The following BATF3 variants were observed in gnomAD, a reference collection of about 807,000 sequenced individuals.
BATF3 encodes basic leucine zipper transcriptional factor ATF-like 3.
BATF3 carries 8 observed loss-of-function variants against 16.1 expected under a neutral mutation model. That is an observed-to-expected ratio of 0.50 (90% CI 0.29 to 0.90). The LOEUF (loss-of-function observed/expected upper bound fraction) is 0.90, where lower values mean the gene tolerates loss of function less well. BATF3 is among the 40% of genes least tolerant of loss of function. BATF3 has a pLI of 0.08. For missense variants in BATF3, 139 were observed against 167.0 expected, an observed-to-expected ratio of 0.83 and a Z score of 0.92; for synonymous variants, 74 against 72.7, an observed-to-expected ratio of 1.02 and a Z score of -0.09.
intron 2 of BATF3, among the ~76,000 whole-genome samples, chr1:212,692,599 G>C (rs1201737410): frequency 2.0e-5 from 3 of 152,082 alleles, no homozygotes; most frequent in African/African-American, 7.2e-5. Flanking sequence ...CACCACACCT[G>C]GCTAATTTTT....
Position 212,697,272 on chromosome 1 carries a change from C to T in BATF3, c.91-207G>A, listed in dbSNP as rs1571837278. 6 of 496,974 alleles carry T rather than the reference C, an allele frequency of 1.2e-5. No homozygotes were observed. The East Asian group carries it at 1.4e-4, about 11-fold the overall frequency. 30.8% of individuals were successfully genotyped at this position (496,974 alleles called of 1,614,324 possible). ...TGTGTGAAGTGTGTGGTGTGACCGC[C>T]GTTTAAAAGATGAGGAATAAGAAAC... is the stretch of plus-strand genomic sequence containing the variant. On this transcript the variant is annotated intron_variant, in intron 1 of 2. Transcript: ENST00000243440.
intron 1 of BATF3, chr1:212,697,338 TA>T: frequency 3.3e-6 from 1 of 303,030 alleles, no homozygotes; most frequent in Non-Finnish European, 6.2e-6. Context: ...TTACAGCCAC[TA>T]AGTGGGTGAG....
intron 2 of BATF3, among the ~76,000 whole-genome samples, chr1:212,695,198 A>G (rs529384424): frequency 6.6e-6 from 1 of 152,278 alleles, no homozygotes; most frequent in African/African-American, 2.4e-5. Context: ...CCCCACCTCT[A>G]CAAAACTACA....
chr1:212,699,691 C>T lies in BATF3; in HGVS notation c.72G>A (p.Gln24=), dbSNP rs1657223786. The change falls in exon 1 of 3, where the codon CAG becomes CAA. Residue 24 remains glutamine (Q), a synonymous_variant. Transcript: ENST00000243440. The surrounding 1 kb of genome is among the most constrained non-coding windows in gnomAD (Gnocchi z 4.4). ...RSVAAPGNQP[Q]PQPQQQSPED... is the part of the protein sequence containing the mutation. ...CCTCTACCTGCTGCTGCGGCTGCGG[C>T]TGCGGCTGGTTCCCGGGCGCCGCGA... is the stretch of plus-strand genomic sequence containing the variant. 5.2e-6 allele frequency: 7 copies of T among 1,351,024 alleles called. No individual in the cohort carries two copies. In the African/African-American group the frequency reaches 9.1e-5, roughly 17 times the overall value. 83.7% of individuals were successfully genotyped at this position (1,351,024 alleles called of 1,614,324 possible). A position where few individuals can be genotyped will look rare whatever the true frequency, so the allele number is the denominator to read the frequency against.
chr1:212,696,477 ATG>A (rs144421922), intron 2 of BATF3, among the ~76,000 whole-genome samples: 8,222 of 150,738 alleles, frequency 0.055, 368 homozygotes, highest in East Asian at 0.15. Context: ...ACATGTGTGA[ATG>A]TGTGTGTTTG....
At chr1:212,698,619 T>G (rs900738354) in intron 1 of BATF3, 1 of 152,210 alleles carries the variant, frequency 6.6e-6, no homozygotes, top group Non-Finnish European at 1.5e-5. Flanking sequence ...TGCATAGTGC[T>G]TCTCATGCCT....
rs1656958965 is a variant in BATF3 at position 212,689,874 on chromosome 1, G to GTCACAC, written c.196-2901_196-2896dup. On this transcript the variant is annotated intron_variant, in intron 2 of 2. Coordinates refer to ENST00000243440, the MANE Select transcript of BATF3 (RefSeq NM_018664.3). This position sits in a 1 kb window ranked among gnomAD's most constrained non-coding sequence, Gnocchi z 4.6. ...ACAGACACACACACAGATACACACA[G>GTCACAC]TCACACACACATCTGCAAACACACT... is the stretch of plus-strand genomic sequence containing the variant. Among the ~76,000 whole-genome samples, 3 of 144,360 alleles carry GTCACAC rather than the reference G, an allele frequency of 2.1e-5. No homozygotes were observed. Among genetic ancestry groups the GTCACAC allele is most frequent in the Admixed American group, 6.9e-5 (1 of 14,596 alleles). The allele number at this position is 144,360 out of a possible 152,430, so 94.7% of individuals were successfully genotyped here. A position where few individuals can be genotyped will look rare whatever the true frequency, so the allele number is the denominator to read the frequency against.
chr1:212,697,150 C>T (rs1283715252), intron 1 of BATF3, 85 bp from the exon 2 acceptor site: 5 of 1,080,700 alleles, frequency 4.6e-6, no homozygotes, highest in East Asian at 2.4e-5. Flanking sequence ...GCGTTGTTCA[C>T]TGAGCTTCAT....
chr1:212,699,714 C>T lies in BATF3; in HGVS notation c.49G>A (p.Ala17Thr). The change falls in exon 1 of 3, where the codon GCG becomes ACG. Residue 17 changes from alanine (A) to threonine (T), a missense_variant. By Grantham distance (58) the Ala-to-Thr change is moderately conservative. Transcript: ENST00000243440. The surrounding 1 kb of genome is among the most constrained non-coding windows in gnomAD (Gnocchi z 4.4). ...GGCTGCGGCTGGTTCCCGGGCGCCG[C>T]GACGCTCCTCTGCAGGACGCTGCCG... Reference protein sequence around the residue: ...AAGSVLQRSVAAPGNQPQPQP... With the variant: ...AAGSVLQRSVTAPGNQPQPQP... The T allele has an allele frequency of 7.4e-7, 1 of 1,348,360 alleles. No homozygotes were observed. Among genetic ancestry groups the T allele is most frequent in the Non-Finnish European group, 9.6e-7 (1 of 1,044,690 alleles). The allele number at this position is 1,348,360 out of a possible 1,614,324, so 83.5% of individuals were successfully genotyped here. A position where few individuals can be genotyped will look rare whatever the true frequency, so the allele number is the denominator to read the frequency against.
chr1:212,694,410 C>T (rs1214269713), intron 2 of BATF3, among the ~76,000 whole-genome samples: 1 of 152,108 alleles, frequency 6.6e-6, no homozygotes, highest in African/African-American at 2.4e-5. Flanking sequence ...GGCATGAGAT[C>T]TTCCTCCTCT....
Position 212,687,996 on chromosome 1 carries a change from AAAGGAAGG to A in BATF3, c.196-1025_196-1018del, listed in dbSNP as rs150731119. Among the ~76,000 whole-genome samples, 275 of 101,252 alleles carry A rather than the reference AAAGGAAGG, an allele frequency of 2.7e-3. 3 individuals are homozygous for A. Among genetic ancestry groups the A allele is most frequent in the African/African-American group, 6.5e-3 (180 of 27,484 alleles). 66.4% of individuals were successfully genotyped at this position (101,252 alleles called of 152,430 possible). ...GAAAGAAAGAAAGAAAGAAAGAAAGAAAGGAAGGAAGGAAGGAAGGAAGGAAGGAAGGA... is the reference window on the plus strand; with the variant it reads ...GAAAGAAAGAAAGAAAGAAAGAAAGAAAGGAAGGAAGGAAGGAAGGAAGGA... On this transcript the variant is annotated intron_variant, in intron 2 of 2. Transcript: ENST00000243440.
At chr1:212,694,074 A>T (rs573745627) in intron 2 of BATF3, among the ~76,000 whole-genome samples, 3 of 152,298 alleles carry the variant, frequency 2.0e-5, no homozygotes, top group Admixed American at 1.3e-4. Flanking sequence ...GTGACAACGG[A>T]AACAGCACCA....
In BATF3 at chr1:212,699,267, C is replaced by G. The variant is rs1389270107; in HGVS notation, c.90+406G>C. Among the ~76,000 whole-genome samples the G allele has an allele frequency of 6.6e-6, 1 of 152,150 alleles. No individual in the cohort carries two copies. Among genetic ancestry groups the G allele is most frequent in the African/African-American group, 2.4e-5 (1 of 41,422 alleles). On this transcript the variant is annotated intron_variant, in intron 1 of 2. Coordinates refer to ENST00000243440, the MANE Select transcript of BATF3 (RefSeq NM_018664.3). This position sits in a 1 kb window ranked among gnomAD's most constrained non-coding sequence, Gnocchi z 4.4. ...ATTCCCGCGGCAGCACCCCCCCCACCCGGGGGAATCCTGGAGGGGCTACAG... is the reference window on the plus strand; with the variant it reads ...ATTCCCGCGGCAGCACCCCCCCCACGCGGGGGAATCCTGGAGGGGCTACAG...
intron 2 of BATF3, among the ~76,000 whole-genome samples, chr1:212,693,298 T>C (rs1657043699): frequency 6.6e-6 from 1 of 152,192 alleles, no homozygotes; most frequent in Non-Finnish European, 1.5e-5. Flanking sequence ...GTTTGGGATA[T>C]ACTTCCATTT....
chr1:212,692,080 T>C (rs544233927), intron 2 of BATF3, among the ~76,000 whole-genome samples: 1 of 152,324 alleles, frequency 6.6e-6, no homozygotes, highest in Non-Finnish European at 1.5e-5. Context: ...CCCCAGCCCC[T>C]GCCTCTCTGG....
At chr1:212,696,096 C>A (rs1453026459) in intron 2 of BATF3, among the ~76,000 whole-genome samples, 1 of 150,102 alleles carries the variant, frequency 6.7e-6, no homozygotes, top group African/African-American at 2.5e-5. Flanking sequence ...ATGTTGGGAG[C>A]TGATGCTGGG....
At chr1:212,692,362 AT>A (rs5780698) in intron 2 of BATF3, among the ~76,000 whole-genome samples, 33 of 152,132 alleles carry the variant, frequency 2.2e-4, no homozygotes, top group Admixed American at 3.9e-4. Context: ...AGTGTTCCAT[AT>A]TTTTTTAAAA....
Position 212,699,573 on chromosome 1 carries a change from C to T in BATF3, c.90+100G>A, listed in dbSNP as rs1558023011. 9.9e-7 allele frequency: 1 copy of T among 1,006,656 alleles called. No homozygotes were observed. 62.4% of individuals were successfully genotyped at this position (1,006,656 alleles called of 1,614,324 possible). A position where few individuals can be genotyped will look rare whatever the true frequency, so the allele number is the denominator to read the frequency against. The stretch of plus-strand genomic sequence containing the variant: ...GGCCGCACCCGCCACCTCTGCACCT[C>T]CGCAGTCACCACCACGGAACTCCAG... On this transcript the variant is annotated intron_variant, in intron 1 of 2. Transcript: ENST00000243440. This position sits in a 1 kb window ranked among gnomAD's most constrained non-coding sequence, Gnocchi z 4.4.
rs936051001 is a variant in BATF3, at chr1:212,686,599, G to T, written c.*192C>A. The T allele has an allele frequency of 1.1e-6, 1 of 900,904 alleles. No individual in the cohort carries two copies. Among genetic ancestry groups the T allele is most frequent in the Non-Finnish European group, 1.6e-6 (1 of 616,500 alleles). 55.8% of individuals were successfully genotyped at this position (900,904 alleles called of 1,614,324 possible). ...GCCTCCATGCTGGATCTGCACAAGG[G>T]CTCTGTGAGTTTGGCGCCTGTTGGA... On this transcript the variant is annotated 3_prime_UTR_variant, in exon 3 of 3. Transcript: ENST00000243440.
Sources: allele counts gnomAD v4.1 joint callset (sites outside exome capture counted in the v4.1 genomes callset), GRCh38; gene constraint gnomAD v4.1.1; non-coding constraint Gnocchi (gnomAD v3.1); transcripts MANE v1.5; gene names NCBI Gene and HGNC (gene_info 2026-07-23, HGNC 2026-07-21).